Variants in CDC42BPB observed in about 807,000 individuals in gnomAD.
The protein encoded by CDC42BPB is serine/threonine-protein kinase MRCK beta.
In CDC42BPB, 37 loss-of-function variants were observed where a neutral mutation model predicts 214.9. That is an observed-to-expected ratio of 0.17 (90% CI 0.13 to 0.23). The LOEUF is 0.23. CDC42BPB is among the 10% of genes least tolerant of loss of function. CDC42BPB has a pLI of 1.00. For synonymous variants in CDC42BPB, 931 were observed against 884.0 expected (o/e 1.05, Z -0.94); for missense variants, 1,694 against 2,227.0 (o/e 0.76, Z 4.82).
At chr14:102,975,852 C>T (rs745878549) in intron 10 of CDC42BPB, 31 bp downstream of exon 10, 37 of 1,613,782 alleles carry the variant, frequency 2.3e-5, no homozygotes, top group African/African-American at 4.0e-5. Flanking sequence ...GCAGCGCCCC[C>T]GCCTGGCCCC....
intron 1 of CDC42BPB, among the ~76,000 whole-genome samples, chr14:103,053,511 A>T (rs35965298): frequency 6.6e-6 from 1 of 151,912 alleles, no homozygotes; most frequent in African/African-American, 2.4e-5. Context: ...CCTGTAATCC[A>T]AGAACTTTGG....
Position 102,933,626 on chromosome 14 carries a change from G to T in CDC42BPB, c.*86C>A. 1.9e-6 allele frequency: 2 copies of T among 1,063,684 alleles called. No homozygotes were observed. Among genetic ancestry groups the T allele is most frequent in the Non-Finnish European group, 2.5e-6 (2 of 795,662 alleles). 65.9% of individuals were successfully genotyped at this position (1,063,684 alleles called of 1,614,324 possible). A position where few individuals can be genotyped will look rare whatever the true frequency, so the allele number is the denominator to read the frequency against. On this transcript the variant is annotated 3_prime_UTR_variant, in exon 37 of 37. Transcript: ENST00000361246. ...CTACAAAGTGATTCTACATTTCCTT[G>T]GACAACACTGGAGGGCCCGCTCAGT...
intron 2 of CDC42BPB, among the ~76,000 whole-genome samples, chr14:103,009,086 TCA>T (rs946170467): frequency 3.9e-5 from 6 of 152,194 alleles, no homozygotes; most frequent in African/African-American, 1.4e-4. Context: ...CGTAAGTCAC[TCA>T]CACACGGGCC....
chr14:102,967,422 C>T (rs993701653), intron 16 of CDC42BPB: 6 of 877,358 alleles, frequency 6.8e-6, no homozygotes, highest in Non-Finnish European at 8.2e-6. Flanking sequence ...TCGCTGAATA[C>T]AAACATCCTA....
chr14:102,944,449 T>A lies in CDC42BPB; in HGVS notation c.3850A>T (p.Ile1284Phe), dbSNP rs1321818416. The A allele has an allele frequency of 6.2e-7, 1 of 1,612,814 alleles. No homozygotes were observed. Among genetic ancestry groups the A allele is most frequent in the Non-Finnish European group, 8.5e-7 (1 of 1,179,994 alleles). Residue 1284 changes from isoleucine to phenylalanine, a missense_variant, in exon 30 of 37, where the codon ATC becomes TTC. Transcript: ENST00000361246. This position sits in a 1 kb window ranked among gnomAD's most constrained non-coding sequence, Gnocchi z 6.6. ...ATCTTCTCCCTGGGAGCAAGCTCGATCTGGTGTACCTTCTTACAGTCAGCG... is the reference window on the plus strand; with the variant it reads ...ATCTTCTCCCTGGGAGCAAGCTCGAACTGGTGTACCTTCTTACAGTCAGCG... Reference protein sequence around the residue: ...RAADCKKVHQIELAPREKIVI... With the variant: ...RAADCKKVHQFELAPREKIVI...
intron 5 of CDC42BPB, 68 bp downstream of exon 5, chr14:102,999,497 G>T: frequency 6.5e-7 from 1 of 1,532,534 alleles, no homozygotes; most frequent in Non-Finnish European, 9.0e-7. Context: ...GCCTGGACTT[G>T]GGAGCTCTGA....
At chr14:103,054,798 T>G (rs781720216) in intron 1 of CDC42BPB, among the ~76,000 whole-genome samples, 1 of 152,230 alleles carries the variant, frequency 6.6e-6, no homozygotes, top group Non-Finnish European at 1.5e-5. Flanking sequence ...AATACAACTT[T>G]GAAAATATGT....
Position 102,966,351 on chromosome 14 carries a change from T to C in CDC42BPB, c.2508A>G (p.Gln836=), listed in dbSNP as rs764032931. Residue 836 remains glutamine, a synonymous_variant, in exon 18 of 37, where the codon CAA becomes CAG. Coordinates refer to ENST00000361246, the MANE Select transcript of CDC42BPB (RefSeq NM_006035.4). ...SDEKDARGYL[Q]ALASKMTEEL... ...CTTCGGTCATCTTGGAAGCAAGAGCTTGAAGGTAACCCCGGGCATCTTTCT... is the reference window on the plus strand; with the variant it reads ...CTTCGGTCATCTTGGAAGCAAGAGCCTGAAGGTAACCCCGGGCATCTTTCT... 2.5e-6 allele frequency: 4 copies of C among 1,614,056 alleles called. No individual in the cohort carries two copies. Among genetic ancestry groups the C allele is most frequent in the South Asian group, 1.1e-5 (1 of 91,074 alleles).
intron 2 of CDC42BPB, among the ~76,000 whole-genome samples, chr14:103,010,347 G>A (rs903190013): frequency 5.3e-5 from 8 of 152,174 alleles, no homozygotes; most frequent in Admixed American, 3.3e-4. Flanking sequence ...TTTGGCTGGT[G>A]AGGCCTGGAT....
At chr14:102,951,236 G>A (rs1489478849) in intron 24 of CDC42BPB, among the ~76,000 whole-genome samples, 4 of 152,200 alleles carry the variant, frequency 2.6e-5, no homozygotes, top group South Asian at 2.1e-4. Flanking sequence ...TGGGGTCTTG[G>A]CAGCCAATCA....
chr14:102,964,704 A>G, intron 18 of CDC42BPB, 54 bp from the exon 19 acceptor site: 1 of 1,524,014 alleles, frequency 6.6e-7, no homozygotes, highest in Non-Finnish European at 8.8e-7. Context: ...CGCTTGTTAA[A>G]CTAATGTTAA....
intron 5 of CDC42BPB, among the ~76,000 whole-genome samples, chr14:102,995,300 G>C (rs1894677608): frequency 6.6e-6 from 1 of 151,848 alleles, no homozygotes; most frequent in Non-Finnish European, 1.5e-5. Context: ...CCAGCCTCCC[G>C]AGCAGCTGGG....
intron 11 of CDC42BPB, among the ~76,000 whole-genome samples, chr14:102,975,089 G>A (rs1018767727): frequency 6.6e-6 from 1 of 152,238 alleles, no homozygotes; most frequent in Non-Finnish European, 1.5e-5. Flanking sequence ...TTAAGCTTTA[G>A]GAGGAAAGCA....
intron 19 of CDC42BPB, among the ~76,000 whole-genome samples, 163 bp downstream of exon 19, chr14:102,964,339 G>A (rs549844919): frequency 6.8e-4 from 103 of 152,354 alleles, no homozygotes; most frequent in African/African-American, 2.2e-3. Context: ...CCTGCTATTC[G>A]GGGCTCCTGC....
At chr14:102,991,288 T>C (rs1189956825) in intron 5 of CDC42BPB, among the ~76,000 whole-genome samples, 1 of 152,038 alleles carries the variant, frequency 6.6e-6, no homozygotes, top group Non-Finnish European at 1.5e-5. Context: ...TCTCAATCTA[T>C]CAGAAGGAAA....
At chr14:102,973,086 G>A (rs1893559805) in intron 12 of CDC42BPB, among the ~76,000 whole-genome samples, 1 of 152,192 alleles carries the variant, frequency 6.6e-6, no homozygotes, top group South Asian at 2.1e-4. Context: ...TGTCACACCT[G>A]CTGGTCTGAG....
chr14:103,053,484 A>C (rs548461310), intron 1 of CDC42BPB, among the ~76,000 whole-genome samples: 1 of 152,158 alleles, frequency 6.6e-6, no homozygotes, highest in Non-Finnish European at 1.5e-5. Context: ...TGACTCGGCC[A>C]GGCACGGTGG....
chr14:102,935,003 G>A (rs1467744499), intron 36 of CDC42BPB, among the ~76,000 whole-genome samples: 1 of 142,250 alleles, frequency 7.0e-6, no homozygotes. Flanking sequence ...TGTAGAGTGA[G>A]ACTCTGTCTC....
At chr14:102,972,247 G>C (rs1893508772) in intron 12 of CDC42BPB, 86 bp from the exon 13 acceptor site, 2 of 1,555,972 alleles carry the variant, frequency 1.3e-6, no homozygotes, top group Admixed American at 3.7e-5. Context: ...ATATTGAGGA[G>C]TTAAAAGCGA....
Sources: allele counts gnomAD v4.1 joint callset (sites outside exome capture counted in the v4.1 genomes callset), GRCh38; gene constraint gnomAD v4.1.1; non-coding constraint Gnocchi (gnomAD v3.1); transcripts MANE v1.5; gene names NCBI Gene and HGNC (gene_info 2026-07-23, HGNC 2026-07-21).